Variants in PREX2 observed in about 807,000 individuals in gnomAD.
PREX2 encodes phosphatidylinositol-3,4,5-trisphosphate dependent Rac exchange factor 2, also known as phosphatidylinositol 3,4,5-trisphosphate-dependent Rac exchanger 2 protein.
A neutral mutation model predicts 203.2 loss-of-function variants in PREX2; 107 were observed. The observed-to-expected ratio is 0.53, with a 90% confidence interval of 0.45 to 0.62. The LOEUF is 0.62. Ranked by LOEUF, PREX2 falls within the 20% of genes least tolerant of loss-of-function variation. The pLI, the probability that PREX2 is intolerant of heterozygous loss-of-function variation, is 0.00. For synonymous variants in PREX2, 672 were observed against 663.6 expected, an observed-to-expected ratio of 1.01 and a Z score of -0.19; for missense variants, 1,777 against 1,955.9, an observed-to-expected ratio of 0.91 and a Z score of 1.72.
intron 1 of PREX2, among the ~76,000 whole-genome samples, chr8:67,991,763 C>T (rs1806616103): frequency 6.6e-6 from 1 of 152,084 alleles, no homozygotes; most frequent in African/African-American, 2.4e-5. Flanking sequence ...CAGGGGTAAA[C>T]ATTAGGGAGT....
intron 24 of PREX2, 101 bp downstream of exon 24, chr8:68,108,432 C>G: frequency 2.7e-6 from 2 of 739,914 alleles, no homozygotes; most frequent in South Asian, 3.7e-5. Context: ...GGTGTGCAAA[C>G]AAGCATGAAC....
chr8:68,166,975 G>A (rs2129614135), intron 35 of PREX2, among the ~76,000 whole-genome samples: 1 of 152,240 alleles, frequency 6.6e-6, no homozygotes, highest in African/African-American at 2.4e-5. Context: ...TCTTGCGTTA[G>A]TTTTAAACAA....
chr8:67,978,704 G>A (rs570950831), intron 1 of PREX2, among the ~76,000 whole-genome samples: 2 of 152,050 alleles, frequency 1.3e-5, no homozygotes, highest in South Asian at 4.2e-4. Context: ...TTTCTCTTGG[G>A]TGGTTTTTCA....
chr8:68,095,933 C>T (rs917408325), intron 21 of PREX2, among the ~76,000 whole-genome samples: 8 of 152,044 alleles, frequency 5.3e-5, no homozygotes, highest in African/African-American at 9.7e-5. Flanking sequence ...TGAGTCATGG[C>T]GCCTAGCCTG....
chr8:68,204,072 G>A (rs1316235672), intron 37 of PREX2, among the ~76,000 whole-genome samples: 4 of 152,030 alleles, frequency 2.6e-5, no homozygotes, highest in Admixed American at 1.3e-4. Flanking sequence ...AAATAAATTG[G>A]TGAGTTAAAT....
intron 4 of PREX2, among the ~76,000 whole-genome samples, chr8:68,023,034 A>G (rs1807614928): frequency 1.3e-5 from 2 of 152,166 alleles, no homozygotes; most frequent in Admixed American, 6.6e-5. Flanking sequence ...TTTGCCAGTT[A>G]GTGAAAATTG....
chr8:68,037,799 A>G (rs1808077866), intron 6 of PREX2, among the ~76,000 whole-genome samples: 1 of 152,136 alleles, frequency 6.6e-6, no homozygotes, highest in Non-Finnish European at 1.5e-5. Flanking sequence ...CCACATACTG[A>G]GGAAAAAGAG....
At chr8:68,225,901 A>G (rs1325568772) in intron 39 of PREX2, among the ~76,000 whole-genome samples, 1 of 152,220 alleles carries the variant, frequency 6.6e-6, no homozygotes, top group East Asian at 1.9e-4. Context: ...AAACAAGACC[A>G]TGGCTCAGCA....
rs143842997 is a variant in PREX2 at position 68,182,520 on chromosome 8, A to G, written c.4347-9202A>G. The stretch of plus-strand genomic sequence containing the variant: ...AGCTTAAGAGTAATTCCTCCTGCAT[A>G]TAAAGAATCCTCTTAAAAATGTACA... On this transcript the variant is annotated intron_variant, in intron 35 of 39. Transcript: ENST00000288368. Among the ~76,000 whole-genome samples, 722 of 152,238 alleles carry G rather than the reference A, an allele frequency of 4.7e-3. 6 individuals are homozygous for G. The highest frequency in any genetic ancestry group is 0.016 in the African/African-American group (669 of 41,556).
rs1808664124 is a variant in PREX2 at position 68,055,904 on chromosome 8, T to G, written c.1168T>G (p.Cys390Gly). ...GGGTGAGAAACTTTATAAAATGATG[T>G]GCAGACAAGGAAATCTGATCAAAGA... ...EQGEKLYKMM[C>G]RQGNLIKDRK... Residue 390 changes from cysteine (C) to glycine (G), a missense_variant, in exon 10 of 40, where the codon TGC becomes GGC. Coordinates refer to ENST00000288368, the MANE Select transcript of PREX2 (RefSeq NM_024870.4). 1.2e-6 allele frequency: 2 copies of G among 1,613,034 alleles called. No homozygotes were observed. Among genetic ancestry groups the G allele is most frequent in the Admixed American group, 1.7e-5 (1 of 59,994 alleles).
chr8:68,080,364 T>C, intron 15 of PREX2, 79 bp from the exon 16 acceptor site: 1 of 1,303,248 alleles, frequency 7.7e-7, no homozygotes, highest in Non-Finnish European at 1.1e-6. Flanking sequence ...CAGGTATTAA[T>C]TTGTAAATGT....
chr8:68,050,387 A>AG (rs144802062), intron 8 of PREX2, among the ~76,000 whole-genome samples: 2,244 of 150,090 alleles, frequency 0.015, 49 homozygotes, highest in African/African-American at 0.052. Flanking sequence ...GTGAAGGAGA[A>AG]CTGGCATGTC....
At chr8:68,190,345 A>G (rs918589000) in intron 35 of PREX2, among the ~76,000 whole-genome samples, 1 of 152,170 alleles carries the variant, frequency 6.6e-6, no homozygotes, top group Admixed American at 6.5e-5. Flanking sequence ...GTGAATTTGA[A>G]TGTATTTAAT....
At chr8:68,158,236 C>A (rs2129613953) in intron 35 of PREX2, among the ~76,000 whole-genome samples, 1 of 151,538 alleles carries the variant, frequency 6.6e-6, no homozygotes, top group East Asian at 1.9e-4. Flanking sequence ...AAAAACTTAA[C>A]AAATTAAGGC....
chr8:68,076,645 A>G (rs938758396), intron 14 of PREX2, among the ~76,000 whole-genome samples: 1 of 150,648 alleles, frequency 6.6e-6, no homozygotes, highest in African/African-American at 2.4e-5. Flanking sequence ...ATAATATGTG[A>G]GAAAAAAGCT....
chr8:68,213,575 G>A (rs899185367), intron 37 of PREX2, among the ~76,000 whole-genome samples: 2 of 152,174 alleles, frequency 1.3e-5, no homozygotes, highest in Admixed American at 6.5e-5. Flanking sequence ...AAATCAAAGT[G>A]TCCTTCAAAT....
At chr8:68,147,242 G>T (rs540261301) in intron 34 of PREX2, among the ~76,000 whole-genome samples, 2 of 152,146 alleles carry the variant, frequency 1.3e-5, no homozygotes, top group South Asian at 2.1e-4. Flanking sequence ...GGAATAAAAT[G>T]TATCTATCTA....
chr8:68,073,810 G>A (rs1337462748), intron 14 of PREX2, among the ~76,000 whole-genome samples: 1 of 152,050 alleles, frequency 6.6e-6, no homozygotes, highest in African/African-American at 2.4e-5. Flanking sequence ...TGTTGATTAC[G>A]TGAGAAACTT....
At chr8:68,136,326 TAGAG>T (rs538913487) in intron 32 of PREX2, among the ~76,000 whole-genome samples, 41 of 152,072 alleles carry the variant, frequency 2.7e-4, no homozygotes, top group Admixed American at 7.2e-4. Context: ...AAAAAGAAAA[TAGAG>T]AGGTTGCTAA....
Sources: gnomAD v4.1 joint callset for allele counts (sites outside exome capture counted in the v4.1 genomes callset) on GRCh38, gnomAD v4.1.1 for gene constraint, MANE v1.5 for transcripts, NCBI Gene and HGNC (gene_info 2026-07-23, HGNC 2026-07-21) for gene names.